The following KIF2A variants were observed in gnomAD, a reference collection of about 807,000 sequenced individuals.
The protein encoded by KIF2A is kinesin family member 2A.
In KIF2A, 22 loss-of-function variants were observed where a neutral mutation model predicts 100.2. The ratio of observed to expected loss-of-function variants is 0.22; its 90% CI spans 0.16 to 0.31. KIF2A has a LOEUF of 0.31. Ranked by LOEUF, KIF2A falls within the 10% of genes least tolerant of loss-of-function variation. The pLI is 1.00. For missense variants in KIF2A, 495 were observed against 898.7 expected (o/e 0.55, Z 5.74); for synonymous variants, 268 against 285.9 (o/e 0.94, Z 0.63).
chr5:62,325,624 T>C (rs966021889), intron 1 of KIF2A, among the ~76,000 whole-genome samples: 1 of 152,102 alleles, frequency 6.6e-6, no homozygotes, highest in Non-Finnish European at 1.5e-5. Context: ...ATGGCTATTA[T>C]TAAAAAGTCA....
intron 1 of KIF2A, among the ~76,000 whole-genome samples, chr5:62,316,771 T>A (rs1190125850): frequency 6.6e-6 from 1 of 152,132 alleles, no homozygotes; most frequent in Non-Finnish European, 1.5e-5. Flanking sequence ...GAAATCTCTG[T>A]ACCTTCCACT....
rs1012646355 is a variant in KIF2A, at chr5:62,389,642, A to T, written c.*4073A>T. Among the ~76,000 whole-genome samples, 1 of 152,146 alleles carries T rather than the reference A, an allele frequency of 6.6e-6. No individual in the cohort carries two copies. The highest frequency in any genetic ancestry group is 2.4e-5 in the African/African-American group (1 of 41,406). ...GACTTTCATTATCCCAGGCCTAAGA[A>T]CTCACTGGCATTTGTTTCAAGGTAA... On this transcript the variant is annotated 3_prime_UTR_variant, in exon 21 of 21. Transcript: ENST00000407818.
chr5:62,336,679 A>G (rs1746969340), intron 1 of KIF2A, among the ~76,000 whole-genome samples: 1 of 152,274 alleles, frequency 6.6e-6, no homozygotes, highest in Admixed American at 6.5e-5. Context: ...CGGCTTATAA[A>G]GAAAATAGAA....
At chr5:62,344,166 A>G (rs1306214760) in intron 1 of KIF2A, among the ~76,000 whole-genome samples, 2 of 152,156 alleles carry the variant, frequency 1.3e-5, no homozygotes, top group African/African-American at 4.8e-5. Context: ...CAACATGGTG[A>G]AACCCTGTCT....
chr5:62,330,086 T>C (rs1209067563), intron 1 of KIF2A, among the ~76,000 whole-genome samples: 8 of 152,142 alleles, frequency 5.3e-5, no homozygotes, highest in Non-Finnish European at 7.4e-5. Context: ...CACAGTGGCT[T>C]ATGCCTGTAG....
chr5:62,340,887 A>T (rs900063746), intron 1 of KIF2A, among the ~76,000 whole-genome samples: 2 of 152,202 alleles, frequency 1.3e-5, no homozygotes, highest in Admixed American at 6.5e-5. Context: ...TACGACAATT[A>T]AAAAATATTT....
chr5:62,381,617 C>A (rs1242618559), intron 20 of KIF2A, among the ~76,000 whole-genome samples: 2 of 152,144 alleles, frequency 1.3e-5, no homozygotes, highest in Non-Finnish European at 2.9e-5. Context: ...CAGGCTGGAG[C>A]ACAGGGGCGT....
At chr5:62,310,552 C>G (rs1272539295) in intron 1 of KIF2A, among the ~76,000 whole-genome samples, 1 of 151,818 alleles carries the variant, frequency 6.6e-6, no homozygotes, top group Non-Finnish European at 1.5e-5. Flanking sequence ...CTGTGCTCCT[C>G]TGTACTGCTA....
At chr5:62,364,739 G>GT (rs1740986362) in intron 14 of KIF2A, among the ~76,000 whole-genome samples, 1 of 152,074 alleles carries the variant, frequency 6.6e-6, no homozygotes, top group African/African-American at 2.4e-5. Context: ...AATAAAGTAG[G>GT]TTTTTTTGCT....
chr5:62,338,369 A>G lies in KIF2A; in HGVS notation c.65-8761A>G, dbSNP rs560156394. Reference sequence around the variant, plus strand: ...AGAGGCACAATCTTGGCTCACTTCAACCTCTGCCTCCCGGGCTCAAGCAAT... The same window carrying G: ...AGAGGCACAATCTTGGCTCACTTCAGCCTCTGCCTCCCGGGCTCAAGCAAT... On this transcript the variant is annotated intron_variant, in intron 1 of 20. Coordinates refer to ENST00000407818, the MANE Select transcript of KIF2A (RefSeq NM_001098511.3). Among the ~76,000 whole-genome samples the G allele has an allele frequency of 2.0e-5, 3 of 152,184 alleles. No individual in the cohort carries two copies. The East Asian group carries it at 5.8e-4, about 29-fold the overall frequency.
chr5:62,344,346 CAAA>C (rs56737603), intron 1 of KIF2A, among the ~76,000 whole-genome samples: 2 of 116,608 alleles, frequency 1.7e-5, no homozygotes, highest in Non-Finnish European at 3.5e-5. Context: ...GACTCCATCT[CAAA>C]AAAAAAAAAA....
intron 3 of KIF2A, among the ~76,000 whole-genome samples, chr5:62,348,859 T>A (rs996992053): frequency 2.6e-5 from 4 of 152,200 alleles, no homozygotes; most frequent in African/African-American, 9.6e-5. Context: ...GTTGTTTTGC[T>A]TTTTTACATT....
At chr5:62,348,968 T>C (rs1371012748) in intron 3 of KIF2A, among the ~76,000 whole-genome samples, 2 of 152,196 alleles carry the variant, frequency 1.3e-5, no homozygotes, top group Non-Finnish European at 2.9e-5. Flanking sequence ...TAGATAAGCA[T>C]TTAAATATAG....
rs1220447703 is a variant in KIF2A, at chr5:62,355,044, G to A, written c.559-115G>A. 8.6e-6 allele frequency: 5 copies of A among 583,460 alleles called. 1 individual carries two copies. The highest frequency in any genetic ancestry group is 5.9e-5 in the East Asian group (2 of 33,930). 36.1% of individuals were successfully genotyped at this position (583,460 alleles called of 1,614,324 possible). A position where few individuals can be genotyped will look rare whatever the true frequency, so the allele number is the denominator to read the frequency against. ...AAACTATATAATATCGTCAGTTTAA[G>A]TTTAGGCTTGGTTATGACAAATGGC... On this transcript the variant is annotated intron_variant, in intron 6 of 20. Coordinates refer to ENST00000407818, the MANE Select transcript of KIF2A (RefSeq NM_001098511.3).
intron 1 of KIF2A, among the ~76,000 whole-genome samples, chr5:62,327,451 A>G (rs1281261064): frequency 6.6e-6 from 1 of 152,190 alleles, no homozygotes; most frequent in Non-Finnish European, 1.5e-5. Context: ...CCTTGGGGAT[A>G]TCACCTCTGC....
intron 1 of KIF2A, among the ~76,000 whole-genome samples, chr5:62,318,899 A>AC (rs551892550): frequency 7.0e-4 from 107 of 152,112 alleles, no homozygotes; most frequent in Admixed American, 2.6e-3. Context: ...TGAACCCATC[A>AC]CCCCTTCCTC....
intron 1 of KIF2A, among the ~76,000 whole-genome samples, chr5:62,309,672 A>C (rs1437663490): frequency 6.6e-6 from 1 of 152,228 alleles, no homozygotes; most frequent in Non-Finnish European, 1.5e-5. Flanking sequence ...TCAGACCATT[A>C]TTAACTGGTG....
At chr5:62,374,419 G>T (rs1248852032) in intron 18 of KIF2A, among the ~76,000 whole-genome samples, 1 of 152,122 alleles carries the variant, frequency 6.6e-6, no homozygotes, top group Non-Finnish European at 1.5e-5. Context: ...CTTTAAGGAA[G>T]TTTCCAACTC....
intron 1 of KIF2A, among the ~76,000 whole-genome samples, chr5:62,314,204 T>C (rs1745694123): frequency 6.6e-6 from 1 of 152,238 alleles, no homozygotes; most frequent in South Asian, 2.1e-4. Context: ...TGGTGTCTCA[T>C]GCCTGTAATC....
Sources: gnomAD v4.1 joint callset for allele counts (sites outside exome capture counted in the v4.1 genomes callset) on GRCh38, gnomAD v4.1.1 for gene constraint, MANE v1.5 for transcripts, NCBI Gene and HGNC (gene_info 2026-07-23, HGNC 2026-07-21) for gene names.